RGS12: variants seen among roughly 807,000 people sequenced by gnomAD.
RGS12 encodes the protein regulator of G-protein signaling 12.
Under a neutral mutation model 120.1 loss-of-function variants are expected in RGS12, and 66 were observed. The observed-to-expected ratio is 0.55, with a 90% CI of 0.45 to 0.67. The LOEUF (loss-of-function observed/expected upper bound fraction) is 0.67. RGS12 is among the 30% of genes least tolerant of loss of function. The probability of loss-of-function intolerance (pLI) is 0.00; values close to 1 mark genes in which losing one functional copy is unlikely to be tolerated. For missense variants in RGS12, 1,859 were observed against 1,957.7 expected, an observed-to-expected ratio of 0.95 and a Z score of 0.95; for synonymous variants, 827 against 804.7, an observed-to-expected ratio of 1.03 and a Z score of -0.47.
intron 4 of RGS12, among the ~76,000 whole-genome samples, chr4:3,395,741 C>T (rs1169547368): frequency 2.0e-5 from 3 of 152,052 alleles, no homozygotes; most frequent in Non-Finnish European, 4.4e-5. Context: ...TTGTTCAAGA[C>T]TTTTGCTTAT....
intron 2 of RGS12, among the ~76,000 whole-genome samples, chr4:3,338,512 G>A (rs1360446008): frequency 2.0e-5 from 3 of 152,242 alleles, no homozygotes; most frequent in Non-Finnish European, 2.9e-5. Context: ...CCGGTTGACC[G>A]GCCGTCCCTT....
rs749801058 is a variant in RGS12, at chr4:3,430,915, G to A, written c.4074G>A (p.Pro1358=). Residue 1358 remains proline, a synonymous_variant, in exon 17 of 18, where the codon CCG becomes CCA. Transcript: ENST00000336727. The part of the protein sequence containing the change: ...ISSPNSTLLP[P]PSTPQEVPGP... ...GCCCCAACAGCACCTTGCTGCCGCCGCCCTCCACCCCCCAGGAAGTGCCAG... is the reference window on the plus strand; with the variant it reads ...GCCCCAACAGCACCTTGCTGCCGCCACCCTCCACCCCCCAGGAAGTGCCAG... The A allele has an allele frequency of 9.3e-6, 15 of 1,612,638 alleles. No individual in the cohort carries two copies. Among genetic ancestry groups the A allele is most frequent in the South Asian group, 5.5e-5 (5 of 91,066 alleles).
intron 4 of RGS12, among the ~76,000 whole-genome samples, chr4:3,392,898 G>T (rs1185860056): frequency 2.0e-5 from 3 of 152,226 alleles, no homozygotes; most frequent in African/African-American, 7.2e-5. Flanking sequence ...TGAGGCAGGA[G>T]AATCTCTTGA....
At chr4:3,292,458 C>T (rs1399612469), upstream of RGS12, among the ~76,000 whole-genome samples, 1 of 152,176 alleles carries the variant, frequency 6.6e-6, no homozygotes, top group East Asian at 1.9e-4. Flanking sequence ...CGGGAACTCA[C>T]GCCGCCCCCG....
rs114615451 is a variant in RGS12, at chr4:3,437,723, C to T, written c.4115-1732C>T. On this transcript the variant is annotated intron_variant, in intron 17 of 17. Coordinates refer to ENST00000336727, the MANE Select transcript of RGS12 (RefSeq NM_001394154.1). ...CTGGGCCTCCAGATGGCATCTCCACCGGGCCTGGCTGAGTAAGACACACAG... is the reference window on the plus strand; with the variant it reads ...CTGGGCCTCCAGATGGCATCTCCACTGGGCCTGGCTGAGTAAGACACACAG... Among the ~76,000 whole-genome samples the T allele has an allele frequency of 8.3e-3, 1,266 of 152,152 alleles. 11 individuals carry two copies. The highest frequency in any genetic ancestry group is 0.028 in the African/African-American group (1,173 of 41,518).
chr4:3,303,472 A>C (rs1408726907), intron 1 of RGS12, among the ~76,000 whole-genome samples: 1 of 152,198 alleles, frequency 6.6e-6, no homozygotes, highest in African/African-American at 2.4e-5. Flanking sequence ...GCATCTGTGC[A>C]GATACTCTGT....
chr4:3,354,273 A>G (rs183719543), intron 3 of RGS12, among the ~76,000 whole-genome samples: 18 of 152,196 alleles, frequency 1.2e-4, no homozygotes, highest in Admixed American at 6.5e-4. Context: ...TCACCTTTAC[A>G]AGTCCTGAGT....
At chr4:3,420,520 G>T in intron 9 of RGS12, 122 bp from the exon 10 acceptor site, 1 of 889,376 alleles carries the variant, frequency 1.1e-6, no homozygotes, top group Non-Finnish European at 1.8e-6. Flanking sequence ...GCCTGGTGGG[G>T]GATGGGTGGG....
intron 1 of RGS12, among the ~76,000 whole-genome samples, chr4:3,311,415 A>C (rs766843890): frequency 5.3e-5 from 8 of 152,120 alleles, no homozygotes; most frequent in African/African-American, 1.9e-4. Flanking sequence ...CATGGCAGCA[A>C]TATTTATTTC....
At chr4:3,428,488 TCTAA>T (rs1723911723) in intron 15 of RGS12, 66 bp from the exon 16 acceptor site, 3 of 1,339,364 alleles carry the variant, frequency 2.2e-6, no homozygotes, top group East Asian at 2.3e-5. Flanking sequence ...CCTTCTACTC[TCTAA>T]CTAATGAATG....
chr4:3,430,608 A>G lies in RGS12; in HGVS notation c.3767A>G (p.Gln1256Arg). The G allele has an allele frequency of 1.2e-6, 2 of 1,611,274 alleles. No individual in the cohort carries two copies. Among genetic ancestry groups the G allele is most frequent in the South Asian group, 1.1e-5 (1 of 90,920 alleles). Residue 1256 changes from glutamine (Q) to arginine (R), a missense_variant, in exon 17 of 18, where the codon CAG (glutamine) becomes CGG (arginine). Gln to Arg is a conservative substitution (Grantham distance 43). Coordinates refer to ENST00000336727, the MANE Select transcript of RGS12 (RefSeq NM_001394154.1). ...GGCAACGGCCGGGAGAGCGCCTCCC[A>G]GCCTGGCGAGCAGTGGGAGCCAGTC... ...ATGNGRESAS[Q>R]PGEQWEPVQE...
intron 4 of RGS12, among the ~76,000 whole-genome samples, chr4:3,398,471 C>G (rs971192599): frequency 2.6e-5 from 4 of 151,864 alleles, no homozygotes; most frequent in African/African-American, 9.7e-5. Flanking sequence ...CTTCTGAAAA[C>G]AAACAAACAA....
chr4:3,401,699 A>AG (rs1384891921), intron 4 of RGS12, among the ~76,000 whole-genome samples: 1 of 152,402 alleles, frequency 6.6e-6, no homozygotes, highest in East Asian at 1.9e-4. Context: ...ACTGTGGACT[A>AG]GGTAACACCA....
At chr4:3,411,837 C>A (rs1407280109) in intron 4 of RGS12, among the ~76,000 whole-genome samples, 1 of 152,286 alleles carries the variant, frequency 6.6e-6, no homozygotes, top group Non-Finnish European at 1.5e-5. Context: ...TGTCCTTGGC[C>A]CCAGCCCTCC....
In RGS12 at chr4:3,389,799, C is replaced by A. The variant is rs572253929; in HGVS notation, c.2020+3362C>A. Reference sequence around the variant, plus strand: ...TGGCTTTGGGGGACGGTGGCAGGTCCACATGACACCCCACATACATGACCC... The same window carrying A: ...TGGCTTTGGGGGACGGTGGCAGGTCAACATGACACCCCACATACATGACCC... On this transcript the variant is annotated intron_variant, in intron 4 of 17. Transcript: ENST00000336727. This position sits in a 1 kb window ranked among gnomAD's most constrained non-coding sequence, Gnocchi z 5.2. Among the ~76,000 whole-genome samples, 7 of 152,296 alleles carry A rather than the reference C, an allele frequency of 4.6e-5. No homozygotes were observed. In the South Asian group the frequency reaches 1.5e-3, roughly 32 times the overall value.
In RGS12 at chr4:3,435,926, A is replaced by G. The variant is rs529497883; in HGVS notation, c.4115-3529A>G. On this transcript the variant is annotated intron_variant, in intron 17 of 17. Transcript: ENST00000336727. The stretch of plus-strand genomic sequence containing the variant: ...TTGAAGCCCCTCCCTGGGGTCTGCC[A>G]CATGCACTCCTGTGCCCTCAGTCAC... Among the ~76,000 whole-genome samples, 42 of 152,250 alleles carry G rather than the reference A, an allele frequency of 2.8e-4. 1 individual carries two copies. Among genetic ancestry groups the G allele is most frequent in the Admixed American group, 2.4e-3 (37 of 15,294 alleles).
intron 3 of RGS12, among the ~76,000 whole-genome samples, chr4:3,376,361 G>A (rs1026485768): frequency 2.0e-5 from 3 of 152,154 alleles, no homozygotes; most frequent in Non-Finnish European, 4.4e-5. Flanking sequence ...GACCGTGGTG[G>A]CTGCTCTGCC....
At chr4:3,364,285 C>T (rs1043740397) in intron 3 of RGS12, among the ~76,000 whole-genome samples, 1 of 152,140 alleles carries the variant, frequency 6.6e-6, no homozygotes, top group Non-Finnish European at 1.5e-5. Context: ...GTCCATCTGC[C>T]GTAACTGTGA....
chr4:3,347,162 T>A (rs1713873483), intron 3 of RGS12, among the ~76,000 whole-genome samples: 2 of 152,206 alleles, frequency 1.3e-5, no homozygotes, highest in South Asian at 4.1e-4. Flanking sequence ...GATAACGTTC[T>A]GGCCAGGCAC....
Sources: allele counts gnomAD v4.1 joint callset (sites outside exome capture counted in the v4.1 genomes callset), GRCh38; gene constraint gnomAD v4.1.1; non-coding constraint Gnocchi (gnomAD v3.1); transcripts MANE v1.5; gene names NCBI Gene and HGNC (gene_info 2026-07-23, HGNC 2026-07-21).